Variants in TENM4 observed in about 807,000 individuals in gnomAD.
TENM4 encodes the protein teneurin transmembrane protein 4, also known as teneurin-4.
A neutral mutation model predicts 243.3 loss-of-function variants in TENM4; 82 were observed. That is an observed-to-expected ratio of 0.34 (90% CI 0.28 to 0.40). TENM4 has a LOEUF of 0.40. TENM4 is among the 10% of genes least tolerant of loss of function. The pLI, the probability that TENM4 is intolerant of heterozygous loss-of-function variation, is 1.00. For missense variants in TENM4, 3,138 were observed against 3,673.3 expected, an observed-to-expected ratio of 0.85 and a Z score of 3.77; for synonymous variants, 1,412 against 1,456.3, an observed-to-expected ratio of 0.97 and a Z score of 0.69.
chr11:78,844,638 C>T (rs1430536014), intron 12 of TENM4, among the ~76,000 whole-genome samples: 5 of 147,048 alleles, frequency 3.4e-5, no homozygotes, highest in Non-Finnish European at 6.0e-5. Flanking sequence ...GAGACTCTGT[C>T]TAAAAAAAAA....
intron 1 of TENM4, among the ~76,000 whole-genome samples, chr11:79,330,971 A>G (rs1857052465): frequency 6.6e-6 from 1 of 152,152 alleles, no homozygotes; most frequent in Non-Finnish European, 1.5e-5. Flanking sequence ...ATGAAACAAC[A>G]TGAATAAAGT....
Position 79,057,212 on chromosome 11 carries a change from C to A in TENM4, c.493+7526G>T, listed in dbSNP as rs187003301. 4.9e-3 allele frequency among the ~76,000 whole-genome samples: 750 copies of A among 152,264 alleles called. 3 individuals carry two copies. The highest frequency in any genetic ancestry group is 0.024 in the Middle Eastern group (7 of 294). ...TCATCCTGTTCAAGTATTAGTCAGA[C>A]CTCATCACTTCTCCACTCAGAACCC... On this transcript the variant is annotated intron_variant, in intron 6 of 33. Coordinates refer to ENST00000278550, the MANE Select transcript of TENM4 (RefSeq NM_001098816.3).
intron 1 of TENM4, among the ~76,000 whole-genome samples, chr11:79,410,127 A>G: frequency 6.6e-6 from 1 of 152,196 alleles, no homozygotes; most frequent in East Asian, 1.9e-4. Context: ...TCTGGGCTTC[A>G]TGGAGCCTGC....
chr11:79,142,989 C>G (rs1862318682), intron 4 of TENM4, among the ~76,000 whole-genome samples: 1 of 152,074 alleles, frequency 6.6e-6, no homozygotes, highest in African/African-American at 2.4e-5. Flanking sequence ...CCATCTCACA[C>G]CAGTTAGAAT....
rs182723262 is a variant in TENM4, at chr11:79,323,054, C to A, written c.-320-25511G>T. ...GAATTAAGATTCACTGTGCTGTAAT[C>A]ATGGGCACTCACAGTAGATACTTTG... On this transcript the variant is annotated intron_variant, in intron 1 of 33. Transcript: ENST00000278550. Among the ~76,000 whole-genome samples the A allele has an allele frequency of 1.9e-3, 288 of 152,290 alleles. 3 individuals carry two copies. Among genetic ancestry groups the A allele is most frequent in the African/African-American group, 6.7e-3 (277 of 41,558 alleles).
chr11:79,055,954 C>A (rs1859933103), intron 6 of TENM4, among the ~76,000 whole-genome samples: 1 of 152,254 alleles, frequency 6.6e-6, no homozygotes, highest in Non-Finnish European at 1.5e-5. Context: ...AAAATTGAAA[C>A]CAGATTCATC....
chr11:78,665,461 G>A (rs1328744975), intron 32 of TENM4, among the ~76,000 whole-genome samples: 1 of 152,110 alleles, frequency 6.6e-6, no homozygotes, highest in African/African-American at 2.4e-5. Context: ...TAGCAGAGAC[G>A]AGATTTCGCC....
intron 6 of TENM4, among the ~76,000 whole-genome samples, chr11:78,999,454 T>C (rs536891310): frequency 6.6e-6 from 1 of 151,280 alleles, no homozygotes; most frequent in Admixed American, 6.6e-5. Context: ...AGACGGAGCT[T>C]GTAGTGAGCC....
intron 2 of TENM4, among the ~76,000 whole-genome samples, chr11:79,257,377 C>T (rs998882939): frequency 2.0e-5 from 3 of 152,156 alleles, no homozygotes; most frequent in African/African-American, 7.2e-5. Flanking sequence ...GATGCTGTTC[C>T]TTAATCACCT....
intron 1 of TENM4, among the ~76,000 whole-genome samples, chr11:79,423,716 T>A (rs1244608815): frequency 1.3e-5 from 2 of 151,988 alleles, no homozygotes; most frequent in South Asian, 2.1e-4. Flanking sequence ...AAATCTCCTG[T>A]TTCCAGGAGC....
chr11:79,362,193 T>G lies in TENM4; in HGVS notation c.-320-64650A>C, dbSNP rs187113868. On this transcript the variant is annotated intron_variant, in intron 1 of 33. Transcript: ENST00000278550. ...CAGTAGAACCTGGTCTTACACATCT[T>G]TAAGCTTGAAGGTAAGATGTGTAAC... is the stretch of plus-strand genomic sequence containing the variant. Among the ~76,000 whole-genome samples the G allele has an allele frequency of 5.3e-5, 8 of 152,284 alleles. No individual in the cohort carries two copies. In the East Asian group the frequency reaches 9.7e-4, roughly 18 times the overall value.
chr11:79,421,846 G>A (rs1466125226), intron 1 of TENM4, among the ~76,000 whole-genome samples: 1 of 152,124 alleles, frequency 6.6e-6, no homozygotes, highest in Non-Finnish European at 1.5e-5. Flanking sequence ...AATTATGAGA[G>A]GCAGCAGATA....
intron 4 of TENM4, among the ~76,000 whole-genome samples, chr11:79,076,596 G>C (rs1354066849): frequency 6.6e-6 from 1 of 152,110 alleles, no homozygotes; most frequent in Non-Finnish European, 1.5e-5. Context: ...ATGAGATATG[G>C]GTGGGGACAC....
chr11:78,788,215 T>G (rs1365536940), intron 15 of TENM4, among the ~76,000 whole-genome samples: 1 of 152,204 alleles, frequency 6.6e-6, no homozygotes, highest in Non-Finnish European at 1.5e-5. Context: ...GAAAACAAAA[T>G]TAGGTCTCAG....
Position 78,833,758 on chromosome 11 carries a change from A to G in TENM4, c.1682-19363T>C, listed in dbSNP as rs544754951. 1.2e-4 allele frequency among the ~76,000 whole-genome samples: 19 copies of G among 152,284 alleles called. No individual in the cohort carries two copies. The South Asian group carries it at 3.1e-3, about 25-fold the overall frequency. ...TGAGAAAAGGTGAATCGGGGGTATG[A>G]TTTTAAGATCTTGCATGGCTGACGT... On this transcript the variant is annotated intron_variant, in intron 12 of 33. Coordinates refer to ENST00000278550, the MANE Select transcript of TENM4 (RefSeq NM_001098816.3).
intron 17 of TENM4, among the ~76,000 whole-genome samples, chr11:78,777,687 T>A (rs542553200): frequency 3.9e-5 from 6 of 152,304 alleles, no homozygotes; most frequent in African/African-American, 1.4e-4. Flanking sequence ...CTTAGTTCCC[T>A]GAGTGTTGAA....
At chr11:78,985,294 C>T (rs991890003) in intron 6 of TENM4, among the ~76,000 whole-genome samples, 1 of 151,732 alleles carries the variant, frequency 6.6e-6, no homozygotes, top group Non-Finnish European at 1.5e-5. Flanking sequence ...AGTATCTTTG[C>T]AAGCTAAAAG....
At chr11:79,275,973 G>A (rs1473554820) in intron 2 of TENM4, among the ~76,000 whole-genome samples, 1 of 152,234 alleles carries the variant, frequency 6.6e-6, no homozygotes, top group Admixed American at 6.5e-5. Context: ...TGGGGGGAAG[G>A]TAGAGCACAC....
At chr11:78,942,623 A>G (rs1156501756) in intron 6 of TENM4, among the ~76,000 whole-genome samples, 2 of 152,104 alleles carry the variant, frequency 1.3e-5, no homozygotes, top group Non-Finnish European at 2.9e-5. Context: ...GCCCGTAGTC[A>G]TTCCTAAGTG....
Sources: allele counts gnomAD v4.1 joint callset (sites outside exome capture counted in the v4.1 genomes callset), GRCh38; gene constraint gnomAD v4.1.1; transcripts MANE v1.5; gene names NCBI Gene and HGNC (gene_info 2026-07-23, HGNC 2026-07-21).